KCNQ1: variants seen among roughly 807,000 people sequenced by gnomAD.
KCNQ1 encodes potassium voltage-gated channel subfamily Q member 1, also known as potassium voltage-gated channel subfamily KQT member 1.
Under a neutral mutation model 72.4 loss-of-function variants are expected in KCNQ1, and 49 were observed. The observed-to-expected ratio is 0.68, with a 90% confidence interval of 0.54 to 0.86. KCNQ1 has a LOEUF of 0.86. Among genes scored for constraint, KCNQ1 ranks in the 40% least tolerant of loss-of-function variants. The probability of loss-of-function intolerance (pLI) is 0.00; values close to 1 mark genes in which losing one functional copy is unlikely to be tolerated. For missense variants in KCNQ1, 790 were observed against 945.1 expected (o/e 0.84, Z 2.15); for synonymous variants, 450 against 412.6 (o/e 1.09, Z -1.10).
chr11:2,704,275 C>T lies in KCNQ1; in HGVS notation c.1514+42194C>T, dbSNP rs984073310. On this transcript the variant is annotated intron_variant, in intron 11 of 15. Transcript: ENST00000155840. This position sits in a 1 kb window ranked among gnomAD's most constrained non-coding sequence, Gnocchi z 4.3. ...TCCTGTGGCCTGTGTGTCGCCTGCACCTGCATTCCACTGGGGCTTCCCTTC... is the reference window on the plus strand; with the variant it reads ...TCCTGTGGCCTGTGTGTCGCCTGCATCTGCATTCCACTGGGGCTTCCCTTC... Among the ~76,000 whole-genome samples, 3 of 152,266 alleles carry T rather than the reference C, an allele frequency of 2.0e-5. No homozygotes were observed. Among genetic ancestry groups the T allele is most frequent in the African/African-American group, 7.2e-5 (3 of 41,466 alleles).
In KCNQ1 at chr11:2,808,765, C is replaced by A. The variant is rs1283574572; in HGVS notation, c.1794+30728C>A. ...TCCTTAGTGTGAGGAGAGCAGCATT[C>A]CAGACGCTTCTCTGTATGTTGCATA... On this transcript the variant is annotated intron_variant, in intron 15 of 15. Coordinates refer to ENST00000155840, the MANE Select transcript of KCNQ1 (RefSeq NM_000218.3). This position sits in a 1 kb window ranked among gnomAD's most constrained non-coding sequence, Gnocchi z 6.0. Among the ~76,000 whole-genome samples the A allele has an allele frequency of 3.3e-5, 5 of 152,114 alleles. 1 individual carries two copies. The highest frequency in any genetic ancestry group is 3.3e-4 in the Admixed American group (5 of 15,274).
In KCNQ1 at chr11:2,809,486, G is replaced by T. The variant is rs1590103470; in HGVS notation, c.1794+31449G>T. 6.6e-6 allele frequency among the ~76,000 whole-genome samples: 1 copy of T among 152,144 alleles called. No individual in the cohort carries two copies. The highest frequency in any genetic ancestry group is 1.5e-5 in the Non-Finnish European group (1 of 68,026). ...TTTGTGATACTTGTGCACAGCTTGG[G>T]GGCTCTGCTTCCCTCTGTTTGTTCG... On this transcript the variant is annotated intron_variant, in intron 15 of 15. Transcript: ENST00000155840. This position sits in a 1 kb window ranked among gnomAD's most constrained non-coding sequence, Gnocchi z 7.1.
intron 11 of KCNQ1, chr11:2,662,407 C>T (rs1040356277): frequency 1.2e-4 from 57 of 463,402 alleles, no homozygotes; most frequent in Admixed American, 2.6e-4. Flanking sequence ...AAAAAAGAGA[C>T]GACTTTGTTT....
intron 11 of KCNQ1, among the ~76,000 whole-genome samples, chr11:2,732,286 A>G (rs551468005): frequency 1.3e-5 from 2 of 152,220 alleles, no homozygotes; most frequent in South Asian, 4.2e-4. Flanking sequence ...GGCATCCCCC[A>G]ATATCCAAAC....
chr11:2,576,275 G>A (rs1212269288), intron 6 of KCNQ1, among the ~76,000 whole-genome samples: 2 of 152,216 alleles, frequency 1.3e-5, no homozygotes, highest in African/African-American at 4.8e-5. Context: ...CAGTGGTTGA[G>A]TGTCCCCTCC....
chr11:2,627,213 A>G lies in KCNQ1; in HGVS notation c.1394-34748A>G. 1 of 398,560 alleles carries G rather than the reference A, an allele frequency of 2.5e-6. No homozygotes were observed. 24.7% of individuals were successfully genotyped at this position (398,560 alleles called of 1,614,324 possible). A position where few individuals can be genotyped will look rare whatever the true frequency, so the allele number is the denominator to read the frequency against. On this transcript the variant is annotated intron_variant, in intron 10 of 15. Transcript: ENST00000155840. This position sits in a 1 kb window ranked among gnomAD's most constrained non-coding sequence, Gnocchi z 4.9. Reference sequence around the variant, plus strand: ...TTATTGAGGTATAATTGACAAATTAAAAGTGCATATATTTAAGAACATATT... The same window carrying G: ...TTATTGAGGTATAATTGACAAATTAGAAGTGCATATATTTAAGAACATATT...
chr11:2,775,833 T>A, intron 12 of KCNQ1, 127 bp from the exon 13 acceptor site: 1 of 888,378 alleles, frequency 1.1e-6, no homozygotes, highest in Non-Finnish European at 1.8e-6. Flanking sequence ...GCTTATGCCA[T>A]CACCACATAG....
Position 2,676,632 on chromosome 11 carries a change from G to A in KCNQ1, c.1514+14551G>A, listed in dbSNP as rs1006685279. On this transcript the variant is annotated intron_variant, in intron 11 of 15. Transcript: ENST00000155840. This position sits in a 1 kb window ranked among gnomAD's most constrained non-coding sequence, Gnocchi z 4.2. The stretch of plus-strand genomic sequence containing the variant: ...CCTCTAAGAAATGGGTAGCTTCACA[G>A]ATTCACAGATAGATAGTTCATTAAG... 3 of 398,684 alleles carry A rather than the reference G, an allele frequency of 7.5e-6. No homozygotes were observed. Among genetic ancestry groups the A allele is most frequent in the Admixed American group, 4.4e-5 (1 of 22,736 alleles). 24.7% of individuals were successfully genotyped at this position (398,684 alleles called of 1,614,324 possible). A position where few individuals can be genotyped will look rare whatever the true frequency, so the allele number is the denominator to read the frequency against.
chr11:2,664,590 C>T lies in KCNQ1; in HGVS notation c.1514+2509C>T, dbSNP rs75352146. The T allele has an allele frequency of 0.013, 5,138 of 398,634 alleles. 162 individuals are homozygous for T. Among genetic ancestry groups the T allele is most frequent in the East Asian group, 0.081 (2,261 of 28,048 alleles). The allele number at this position is 398,634 out of a possible 1,614,324, so 24.7% of individuals were successfully genotyped here. On this transcript the variant is annotated intron_variant, in intron 11 of 15. Coordinates refer to ENST00000155840, the MANE Select transcript of KCNQ1 (RefSeq NM_000218.3). This position sits in a 1 kb window ranked among gnomAD's most constrained non-coding sequence, Gnocchi z 5.1. ...CTTCTGCCCGCATTGGGGCTGCATT[C>T]CTCCACCTCCTGCACAGCCCGCCCA...
In KCNQ1 at chr11:2,480,892, C is replaced by T. The variant is rs537156041; in HGVS notation, c.386+35408C>T. The stretch of plus-strand genomic sequence containing the variant: ...TCTCCAAGGGCTCAGAAAGATTCAA[C>T]CAAAAGAGGGAAGTCTGGAGAGGGA... On this transcript the variant is annotated intron_variant, in intron 1 of 15. Transcript: ENST00000155840. Among the ~76,000 whole-genome samples, 328 of 152,264 alleles carry T rather than the reference C, an allele frequency of 2.2e-3. 3 individuals carry two copies. The highest frequency in any genetic ancestry group is 3.9e-3 in the Non-Finnish European group (263 of 68,016).
chr11:2,650,430 G>A lies in KCNQ1; in HGVS notation c.1394-11531G>A, dbSNP rs191052632. On this transcript the variant is annotated intron_variant, in intron 10 of 15. Transcript: ENST00000155840. ...TAGTAAGGACTTTTCCTGTACACGC[G>A]TCTGTAGTATCATTTGGGTAGGGTG... 162 of 398,544 alleles carry A rather than the reference G, an allele frequency of 4.1e-4. 1 individual carries two copies. The highest frequency in any genetic ancestry group is 1.3e-3 in the Middle Eastern group (2 of 1,588). 24.7% of individuals were successfully genotyped at this position (398,544 alleles called of 1,614,324 possible).
rs1849648238 is a variant in KCNQ1, at chr11:2,645,219, A to G, written c.1394-16742A>G. ...GCTGGATGAGCTTGTCCCAAGGCCC[A>G]CAGGTGGCAAATTCAAGTGAATGCC... is the stretch of plus-strand genomic sequence containing the variant. On this transcript the variant is annotated intron_variant, in intron 10 of 15. Transcript: ENST00000155840. This position sits in a 1 kb window ranked among gnomAD's most constrained non-coding sequence, Gnocchi z 5.8. 1 of 398,592 alleles carries G rather than the reference A, an allele frequency of 2.5e-6. No homozygotes were observed. The highest frequency in any genetic ancestry group is 2.1e-5 in the African/African-American group (1 of 48,640). 24.7% of individuals were successfully genotyped at this position (398,592 alleles called of 1,614,324 possible).
In KCNQ1 at chr11:2,544,273, T is replaced by C. The variant is rs1445564281; in HGVS notation, c.477+16255T>C. Reference sequence around the variant, plus strand: ...GTATATATATATGTGTGTGTGTGTATATATATGTGTATATATATATGTATA... The same window carrying C: ...GTATATATATATGTGTGTGTGTGTACATATATGTGTATATATATATGTATA... On this transcript the variant is annotated intron_variant, in intron 2 of 15. Coordinates refer to ENST00000155840, the MANE Select transcript of KCNQ1 (RefSeq NM_000218.3). The surrounding 1 kb of genome is among the most constrained non-coding windows in gnomAD (Gnocchi z 4.4). Among the ~76,000 whole-genome samples, 5 of 127,588 alleles carry C rather than the reference T, an allele frequency of 3.9e-5. No homozygotes were observed. The highest frequency in any genetic ancestry group is 7.9e-5 in the Non-Finnish European group (5 of 63,308). 83.7% of individuals were successfully genotyped at this position (127,588 alleles called of 152,430 possible). A position where few individuals can be genotyped will look rare whatever the true frequency, so the allele number is the denominator to read the frequency against.
At position 2,764,467 on chromosome 11, in the gene KCNQ1, C is replaced by A. The variant is rs1462461987; in HGVS notation, c.1515-4377C>A. ...GCTGGTGGTGGTTAGGATATTTGCACGTATGTTCACGAGAGAGATTAACCT... is the reference window on the plus strand; with the variant it reads ...GCTGGTGGTGGTTAGGATATTTGCAAGTATGTTCACGAGAGAGATTAACCT... On this transcript the variant is annotated intron_variant, in intron 11 of 15. Coordinates refer to ENST00000155840, the MANE Select transcript of KCNQ1 (RefSeq NM_000218.3). This position sits in a 1 kb window ranked among gnomAD's most constrained non-coding sequence, Gnocchi z 4.8. Among the ~76,000 whole-genome samples the A allele has an allele frequency of 6.6e-5, 10 of 152,054 alleles. No homozygotes were observed. Among genetic ancestry groups the A allele is most frequent in the Admixed American group, 5.2e-4 (8 of 15,268 alleles).
At position 2,704,733 on chromosome 11, in the gene KCNQ1, G is replaced by T. The variant is rs143901608; in HGVS notation, c.1514+42652G>T. 6.6e-5 allele frequency among the ~76,000 whole-genome samples: 10 copies of T among 152,318 alleles called. No homozygotes were observed. Among genetic ancestry groups the T allele is most frequent in the African/African-American group, 2.2e-4 (9 of 41,572 alleles). On this transcript the variant is annotated intron_variant, in intron 11 of 15. Transcript: ENST00000155840. The surrounding 1 kb of genome is among the most constrained non-coding windows in gnomAD (Gnocchi z 4.3). ...TCTGTGGAGGTGTGAGAAGTGCCAG[G>T]CTGGGCTCCCTCAGGCGGCAACTTT...
intron 10 of KCNQ1, chr11:2,648,207 G>C: frequency 2.5e-6 from 1 of 398,312 alleles, no homozygotes; most frequent in Non-Finnish European, 4.4e-6. Flanking sequence ...CGTGTCTCGG[G>C]GGGTGGGGGG....
chr11:2,486,030 C>T lies in KCNQ1; in HGVS notation c.386+40546C>T, dbSNP rs1214549159. On this transcript the variant is annotated intron_variant, in intron 1 of 15. Transcript: ENST00000155840. The surrounding 1 kb of genome is among the most constrained non-coding windows in gnomAD (Gnocchi z 5.0). The stretch of plus-strand genomic sequence containing the variant: ...GGTGTACAAATATCTTTTCAACGCC[C>T]TGCTTTCAATTCTTTTGGGTATATA... 1.3e-5 allele frequency among the ~76,000 whole-genome samples: 2 copies of T among 152,126 alleles called. No homozygotes were observed. Among genetic ancestry groups the T allele is most frequent in the Non-Finnish European group, 2.9e-5 (2 of 68,014 alleles).
chr11:2,615,548 C>T, intron 10 of KCNQ1: 1 of 397,882 alleles, frequency 2.5e-6, no homozygotes, highest in Non-Finnish European at 4.4e-6. Flanking sequence ...TTTCACAAAT[C>T]CTCTTTAACA....
At chr11:2,697,641 T>C in intron 11 of KCNQ1, 1 of 398,642 alleles carries the variant, frequency 2.5e-6, no homozygotes, top group Non-Finnish European at 4.4e-6. Flanking sequence ...ATATGGTTTT[T>C]CTCCTGTAGC....
Sources: allele counts gnomAD v4.1 joint callset (sites outside exome capture counted in the v4.1 genomes callset), GRCh38; gene constraint gnomAD v4.1.1; non-coding constraint Gnocchi (gnomAD v3.1); transcripts MANE v1.5; gene names NCBI Gene and HGNC (gene_info 2026-07-23, HGNC 2026-07-21).